The following ATP11A variants were observed in gnomAD, a reference collection of about 807,000 sequenced individuals.
The protein encoded by ATP11A is ATPase phospholipid transporting 11A.
A neutral mutation model predicts 154.4 loss-of-function variants in ATP11A; 81 were observed. That is an observed-to-expected ratio of 0.52 (90% confidence interval 0.44 to 0.63). The LOEUF (loss-of-function observed/expected upper bound fraction) is 0.63, where lower values mean the gene tolerates loss of function less well. Among genes scored for constraint, ATP11A ranks in the 30% least tolerant of loss-of-function variants. ATP11A has a pLI of 0.00. For synonymous variants in ATP11A, 623 were observed against 585.9 expected, an observed-to-expected ratio of 1.06 and a Z score of -0.91; for missense variants, 1,316 against 1,474.3, an observed-to-expected ratio of 0.89 and a Z score of 1.76.
chr13:112,692,633 G>A (rs952810753), intron 1 of ATP11A, among the ~76,000 whole-genome samples: 5 of 152,186 alleles, frequency 3.3e-5, no homozygotes, highest in African/African-American at 2.4e-5. Flanking sequence ...ATTGGATAAC[G>A]TCTCGGGAAT....
chr13:112,714,187 C>T lies in ATP11A; in HGVS notation c.39+23732C>T, dbSNP rs145635683. On this transcript the variant is annotated intron_variant, in intron 1 of 29. Coordinates refer to ENST00000375645, the MANE Select transcript of ATP11A (RefSeq NM_015205.3). The stretch of plus-strand genomic sequence containing the variant: ...TCCTGGCCCCACGTCTACTGGAATT[C>T]CACTCCTCCCAGCTGTCTTGCACCC... 6.2e-3 allele frequency among the ~76,000 whole-genome samples: 936 copies of T among 150,900 alleles called. 10 individuals are homozygous for T. The highest frequency in any genetic ancestry group is 0.01 in the Non-Finnish European group (707 of 67,758).
intron 25 of ATP11A, among the ~76,000 whole-genome samples, chr13:112,865,065 C>G (rs1173607841): frequency 1.5e-5 from 2 of 131,196 alleles, no homozygotes; most frequent in Non-Finnish European, 1.6e-5. Context: ...AGCTTCCCAG[C>G]GGGATCCATC....
In ATP11A at chr13:112,875,492, GT is replaced by G. The variant is rs35972555; in HGVS notation, c.3162-270del. ...TCAATCCCTTTGTGTTTTGTTTTTT[GT>G]TTTTTTTTTTTTTGCTTCTGTGAAA... On this transcript the variant is annotated intron_variant, in intron 27 of 29. Transcript: ENST00000375645. This position sits in a 1 kb window ranked among gnomAD's most constrained non-coding sequence, Gnocchi z 4.1. 0.3 allele frequency among the ~76,000 whole-genome samples: 43,148 copies of G among 145,582 alleles called. 6,621 individuals are homozygous for G. The highest frequency in any genetic ancestry group is 0.41 in the South Asian group (1,873 of 4,528).
chr13:112,774,031 C>T (rs2077288599), intron 1 of ATP11A, among the ~76,000 whole-genome samples: 1 of 152,262 alleles, frequency 6.6e-6, no homozygotes, highest in African/African-American at 2.4e-5. Flanking sequence ...TGCCTCCCTG[C>T]TTCCCGTCCA....
chr13:112,802,289 T>C (rs1211341079), intron 2 of ATP11A, among the ~76,000 whole-genome samples: 1 of 151,426 alleles, frequency 6.6e-6, no homozygotes, highest in Non-Finnish European at 1.5e-5. Context: ...GAGCTTGCGG[T>C]GAGCCGAGAT....
intron 1 of ATP11A, among the ~76,000 whole-genome samples, chr13:112,781,213 T>C (rs71446634): frequency 0.067 from 10,263 of 152,072 alleles, 431 homozygotes; most frequent in Middle Eastern, 0.11. Context: ...TTTGTATTTT[T>C]TTTTTCAGTA....
chr13:112,693,884 G>A (rs928631586), intron 1 of ATP11A, among the ~76,000 whole-genome samples: 1 of 152,160 alleles, frequency 6.6e-6, no homozygotes, highest in Admixed American at 6.5e-5. Context: ...CACAGAAGGC[G>A]GAGGTTGCAG....
At chr13:112,732,325 AAAAG>A (rs1306260350) in intron 1 of ATP11A, among the ~76,000 whole-genome samples, 3 of 152,202 alleles carry the variant, frequency 2.0e-5, no homozygotes, top group Non-Finnish European at 4.4e-5. Flanking sequence ...TACAAAAACT[AAAAG>A]AAATAATGTG....
intron 6 of ATP11A, among the ~76,000 whole-genome samples, chr13:112,816,474 T>A (rs964331870): frequency 5.3e-5 from 8 of 152,192 alleles, no homozygotes; most frequent in African/African-American, 1.9e-4. Context: ...TATAGTGAAA[T>A]TGTTATTAGA....
At chr13:112,805,474 G>A (rs762565552) in intron 3 of ATP11A, among the ~76,000 whole-genome samples, 1 of 152,104 alleles carries the variant, frequency 6.6e-6, no homozygotes, top group East Asian at 1.9e-4. Context: ...TCCAGAGATA[G>A]GGACCATCCT....
chr13:112,814,722 T>G (rs986397669), intron 5 of ATP11A, among the ~76,000 whole-genome samples: 3 of 152,174 alleles, frequency 2.0e-5, no homozygotes, highest in Non-Finnish European at 2.9e-5. Context: ...TCCATGCCCA[T>G]GCCCACCAAT....
Position 112,826,684 on chromosome 13 carries a change from G to A in ATP11A, c.1024-10G>A, listed in dbSNP as rs895664480. 6.2e-7 allele frequency: 1 copy of A among 1,613,720 alleles called. No individual in the cohort carries two copies. Among genetic ancestry groups the A allele is most frequent in the Non-Finnish European group, 8.5e-7 (1 of 1,179,916 alleles). On this transcript the variant is annotated splice_polypyrimidine_tract_variant and intron_variant, in intron 11 of 29. Coordinates refer to ENST00000375645, the MANE Select transcript of ATP11A (RefSeq NM_015205.3). The stretch of plus-strand genomic sequence containing the variant: ...GTGGAGGTGCTGACCCGCACCTTCT[G>A]CTCTTGCAGTTCCTCAAGGCATTCA...
Position 112,862,591 on chromosome 13 carries a change from G to A in ATP11A, c.2991+16G>A, listed in dbSNP as rs192517956. Reference sequence around the variant, plus strand: ...CAACGGGCAGGTCAGTACAGAGCTCGATTGCGCTGACTTAGCTGCTTAGGA... The same window carrying A: ...CAACGGGCAGGTCAGTACAGAGCTCAATTGCGCTGACTTAGCTGCTTAGGA... On this transcript the variant is annotated intron_variant, in intron 25 of 29. Coordinates refer to ENST00000375645, the MANE Select transcript of ATP11A (RefSeq NM_015205.3). The A allele has an allele frequency of 1.3e-4, 217 of 1,613,978 alleles. No individual in the cohort carries two copies. The African/African-American group carries it at 2.2e-3, about 17-fold the overall frequency.
intron 1 of ATP11A, among the ~76,000 whole-genome samples, chr13:112,759,036 G>A (rs924329180): frequency 6.6e-6 from 1 of 152,106 alleles, no homozygotes; most frequent in Non-Finnish European, 1.5e-5. Context: ...CACTTCCGTG[G>A]GTAAACATAA....
rs766534652 is a variant in ATP11A, at chr13:112,836,246, C to T, written c.1700C>T (p.Ala567Val). Residue 567 changes from alanine to valine, a missense_variant, in exon 16 of 30, where the codon GCT becomes GTT. Around this residue, in one of 5 missense-constraint regions of ATP11A, gnomAD observed 876 missense variants for 1,006.8 expected, o/e 0.87. Coordinates refer to ENST00000375645, the MANE Select transcript of ATP11A (RefSeq NM_015205.3). ...RRRMSVIVKS[A>V]TGEIYLFCKG... Reference sequence around the variant, plus strand: ...AGAATGAGTGTAATTGTAAAATCTGCTACAGGTAAAATTTCTTTTTCTTTT... The same window carrying T: ...AGAATGAGTGTAATTGTAAAATCTGTTACAGGTAAAATTTCTTTTTCTTTT... 6.2e-7 allele frequency: 1 copy of T among 1,603,028 alleles called. No individual in the cohort carries two copies. The highest frequency in any genetic ancestry group is 1.1e-5 in the South Asian group (1 of 89,806).
At chr13:112,744,556 G>A (rs568791106) in intron 1 of ATP11A, among the ~76,000 whole-genome samples, 2 of 152,330 alleles carry the variant, frequency 1.3e-5, no homozygotes, top group African/African-American at 4.8e-5. Flanking sequence ...AGCTGCTGGT[G>A]CCTCCCTCCC....
rs1747199198 is a variant in ATP11A, at chr13:112,854,448, C to G, written c.2161C>G (p.Gln721Glu). The G allele has an allele frequency of 1.9e-6, 3 of 1,612,930 alleles. No individual in the cohort carries two copies. The highest frequency in any genetic ancestry group is 1.3e-5 in the African/African-American group (1 of 74,914). ...LELTTKRIEE[Q>E]SLHDVLFELS... Reference sequence around the variant, plus strand: ...GCTGACCACCAAGAGGATCGAGGAGCAGAGCCTGCACGACGTCCTGTTCGA... The same window carrying G: ...GCTGACCACCAAGAGGATCGAGGAGGAGAGCCTGCACGACGTCCTGTTCGA... Residue 721 changes from glutamine to glutamate, a missense_variant, in exon 19 of 30, where the codon CAG becomes GAG. This residue lies in a region of ATP11A where 876 missense variants were observed against 1,006.8 expected (regional missense o/e 0.87). Transcript: ENST00000375645.
chr13:112,874,398 T>G (rs1232389610), intron 27 of ATP11A, among the ~76,000 whole-genome samples: 3 of 152,292 alleles, frequency 2.0e-5, no homozygotes, highest in East Asian at 3.9e-4. Context: ...GTGGCTCTTT[T>G]AAAAACCCCA....
intron 1 of ATP11A, among the ~76,000 whole-genome samples, chr13:112,768,174 C>T (rs570478239): frequency 2.0e-5 from 3 of 152,374 alleles, no homozygotes; most frequent in East Asian, 3.9e-4. Flanking sequence ...CCCAAGATTG[C>T]GTGGAGCCCG....
Sources: allele counts gnomAD v4.1 joint callset (sites outside exome capture counted in the v4.1 genomes callset), GRCh38; gene constraint gnomAD v4.1.1; regional missense constraint gnomAD v4.1.1; non-coding constraint Gnocchi (gnomAD v3.1); transcripts MANE v1.5; gene names NCBI Gene and HGNC (gene_info 2026-07-23, HGNC 2026-07-21).